The following CFAP61 variants were observed in gnomAD, a reference collection of about 807,000 sequenced individuals.
CFAP61 encodes the protein cilia and flagella associated protein 61.
Under a neutral mutation model 135.6 loss-of-function variants are expected in CFAP61, and 107 were observed. The observed-to-expected ratio is 0.79, with a 90% confidence interval of 0.67 to 0.93. The LOEUF (loss-of-function observed/expected upper bound fraction) is 0.93, where lower values mean the gene tolerates loss of function less well. Ranked by LOEUF, CFAP61 falls within the 40% of genes least tolerant of loss-of-function variation. The pLI is 0.00. For synonymous variants in CFAP61, 575 were observed against 578.5 expected (o/e 0.99, Z 0.09); for missense variants, 1,507 against 1,556.2 (o/e 0.97, Z 0.53).
intron 25 of CFAP61, among the ~76,000 whole-genome samples, chr20:20,337,072 T>G (rs1426479382): frequency 6.6e-6 from 1 of 152,180 alleles, no homozygotes; most frequent in Non-Finnish European, 1.5e-5. Context: ...TGAAGACACC[T>G]GGGACAGAGA....
intron 9 of CFAP61, among the ~76,000 whole-genome samples, chr20:20,156,649 C>T (rs1342807519): frequency 6.6e-6 from 1 of 152,026 alleles, no homozygotes; most frequent in African/African-American, 2.4e-5. Context: ...ATGGAATCTA[C>T]AAAACAGCTA....
chr20:20,294,522 A>G (rs2055247664), intron 24 of CFAP61, among the ~76,000 whole-genome samples: 1 of 152,242 alleles, frequency 6.6e-6, no homozygotes, highest in Non-Finnish European at 1.5e-5. Context: ...TCTCTAGTGT[A>G]GCTGCTTCTG....
chr20:20,192,613 C>T (rs1454881196), intron 15 of CFAP61, among the ~76,000 whole-genome samples: 1 of 152,098 alleles, frequency 6.6e-6, no homozygotes, highest in African/African-American at 2.4e-5. Flanking sequence ...TGCACAGTCC[C>T]TACTTATCTC....
At chr20:20,122,061 T>C (rs2049689007) in intron 8 of CFAP61, among the ~76,000 whole-genome samples, 1 of 152,034 alleles carries the variant, frequency 6.6e-6, no homozygotes, top group African/African-American at 2.4e-5. Flanking sequence ...CCAGGCAGTA[T>C]ACATTGTACT....
At chr20:20,260,094 TG>T (rs1174116194) in intron 20 of CFAP61, among the ~76,000 whole-genome samples, 2 of 152,228 alleles carry the variant, frequency 1.3e-5, no homozygotes, top group African/African-American at 4.8e-5. Flanking sequence ...CCAACAGGAA[TG>T]TATGGGTGTA....
chr20:20,243,659 A>T (rs6046753), intron 18 of CFAP61, among the ~76,000 whole-genome samples: 51,003 of 151,166 alleles, frequency 0.34, 8,912 homozygotes, highest in East Asian at 0.56. Flanking sequence ...CTGGTCTCAA[A>T]CTCCTGACCT....
At chr20:20,322,656 G>A (rs1367318633) in intron 25 of CFAP61, 1 of 984,614 alleles carries the variant, frequency 1.0e-6, no homozygotes, top group Non-Finnish European at 1.2e-6. Flanking sequence ...GTCCCATGGT[G>A]GTCTTCCAGC....
chr20:20,358,034 T>TGG (rs2059318713), intron 26 of CFAP61, among the ~76,000 whole-genome samples: 1 of 139,492 alleles, frequency 7.2e-6, no homozygotes. Context: ...GTGGTCACAC[T>TGG]GAGGAGAGGT....
intron 19 of CFAP61, among the ~76,000 whole-genome samples, chr20:20,248,499 A>G (rs1535069): frequency 0.077 from 11,701 of 152,212 alleles, 1,201 homozygotes; most frequent in East Asian, 0.53. Context: ...CACCGCCCCC[A>G]TCCAGCCTCT....
chr20:20,189,279 C>G (rs1290007771), intron 14 of CFAP61, among the ~76,000 whole-genome samples: 4 of 152,246 alleles, frequency 2.6e-5, no homozygotes, highest in African/African-American at 9.6e-5. Flanking sequence ...GTCTTGCACT[C>G]TTTTAGTTCT....
At chr20:20,318,565 T>C (rs2057268284) in intron 25 of CFAP61, among the ~76,000 whole-genome samples, 1 of 152,154 alleles carries the variant, frequency 6.6e-6, no homozygotes, top group South Asian at 2.1e-4. Context: ...TTGTCCCTGC[T>C]TCCTTCTCTG....
intron 25 of CFAP61, among the ~76,000 whole-genome samples, chr20:20,303,881 T>C (rs2056261623): frequency 6.6e-6 from 1 of 152,186 alleles, no homozygotes; most frequent in Admixed American, 6.5e-5. Context: ...CTCTCCGCAT[T>C]CAGAGAAATC....
At position 20,355,415 on chromosome 20, in the gene CFAP61, G is replaced by A. The variant is rs1364667442; in HGVS notation, c.3514-4795G>A. ...CAGAGATGGTCACACTGTGAGGGGA[G>A]GTGGTCACACTGAGGGGAGGTGGTC... On this transcript the variant is annotated intron_variant, in intron 26 of 26. Transcript: ENST00000245957. Among the ~76,000 whole-genome samples, 12 of 56,144 alleles carry A rather than the reference G, an allele frequency of 2.1e-4. No homozygotes were observed. The East Asian group carries it at 2.7e-3, about 12-fold the overall frequency. The allele number at this position is 56,144 out of a possible 152,430, so 36.8% of individuals were successfully genotyped here. A position where few individuals can be genotyped will look rare whatever the true frequency, so the allele number is the denominator to read the frequency against.
chr20:20,147,793 C>T (rs1375929392), intron 9 of CFAP61, among the ~76,000 whole-genome samples: 1 of 151,814 alleles, frequency 6.6e-6, no homozygotes, highest in Non-Finnish European at 1.5e-5. Flanking sequence ...TTTGCATTTG[C>T]TTTTGGGGTC....
At chr20:20,138,490 T>C (rs1055232463) in intron 8 of CFAP61, among the ~76,000 whole-genome samples, 7 of 150,994 alleles carry the variant, frequency 4.6e-5, no homozygotes, top group Middle Eastern at 3.4e-3. Context: ...TTGACAGCAC[T>C]GCATTCCATT....
chr20:20,294,160 G>A (rs2055213750), intron 24 of CFAP61, among the ~76,000 whole-genome samples: 2 of 152,150 alleles, frequency 1.3e-5, no homozygotes, highest in African/African-American at 2.4e-5. Flanking sequence ...CAAAATAATC[G>A]TCCTGACCCC....
rs546549139 is a variant in CFAP61 at position 20,212,745 on chromosome 20, G to A, written c.1932+12843G>A. Among the ~76,000 whole-genome samples, 23 of 152,296 alleles carry A rather than the reference G, an allele frequency of 1.5e-4. No individual in the cohort carries two copies. The South Asian group carries it at 3.9e-3, about 26-fold the overall frequency. On this transcript the variant is annotated intron_variant, in intron 17 of 26. Coordinates refer to ENST00000245957, the MANE Select transcript of CFAP61 (RefSeq NM_015585.4). ...CTGGATAGGCTTTTCTGTTGAAACCGCAAGCACAGGGCCTGTTCTGCTTCG... is the reference window on the plus strand; with the variant it reads ...CTGGATAGGCTTTTCTGTTGAAACCACAAGCACAGGGCCTGTTCTGCTTCG...
Position 20,166,489 on chromosome 20 carries a change from A to G in CFAP61, c.1245+53A>G, listed in dbSNP as rs780718656. 73 of 1,419,610 alleles carry G rather than the reference A, an allele frequency of 5.1e-5. No individual in the cohort carries two copies. In the African/African-American group the frequency reaches 9.8e-4, roughly 19 times the overall value. The allele number at this position is 1,419,610 out of a possible 1,614,324, so 87.9% of individuals were successfully genotyped here. A position where few individuals can be genotyped will look rare whatever the true frequency, so the allele number is the denominator to read the frequency against. ...GATTTTGTAAGCTTAGAGAACTTAT[A>G]GAAAAGTAAAATGCCATAAATTTAT... On this transcript the variant is annotated intron_variant, in intron 12 of 26. Transcript: ENST00000245957.
At chr20:20,066,588 A>G (rs1368611611) in intron 2 of CFAP61, among the ~76,000 whole-genome samples, 1 of 151,962 alleles carries the variant, frequency 6.6e-6, no homozygotes, top group African/African-American at 2.4e-5. Flanking sequence ...CAGAAAACCA[A>G]ACACCACATG....
Sources: gnomAD v4.1 joint callset for allele counts (sites outside exome capture counted in the v4.1 genomes callset) on GRCh38, gnomAD v4.1.1 for gene constraint, MANE v1.5 for transcripts, NCBI Gene and HGNC (gene_info 2026-07-23, HGNC 2026-07-21) for gene names.